The following PPP1CB variants were observed in gnomAD, a reference collection of about 807,000 sequenced individuals.
PPP1CB encodes the protein protein phosphatase 1 catalytic subunit beta.
In PPP1CB, 2 loss-of-function variants were observed where a neutral mutation model predicts 43.7. The observed-to-expected ratio is 0.05, with a 90% CI of 0.02 to 0.14. The LOEUF (loss-of-function observed/expected upper bound fraction) is 0.14, where lower values mean the gene tolerates loss of function less well. PPP1CB is among the 10% of genes least tolerant of loss of function. The pLI, the probability that PPP1CB is intolerant of heterozygous loss-of-function variation, is 1.00. For synonymous variants in PPP1CB, 136 were observed against 135.6 expected (o/e 1.00, Z -0.02); for missense variants, 84 against 398.0 (o/e 0.21, Z 6.71).
At chr2:28,771,390 G>A (rs961302755) in intron 1 of PPP1CB, among the ~76,000 whole-genome samples, 7 of 144,068 alleles carry the variant, frequency 4.9e-5, no homozygotes, top group Non-Finnish European at 9.2e-5. Flanking sequence ...GGGGGTGGAG[G>A]GGCTAGACAC....
At chr2:28,777,021 T>A (rs775839856) in intron 2 of PPP1CB, 39 bp downstream of exon 2, 1 of 1,590,474 alleles carries the variant, frequency 6.3e-7, no homozygotes. Context: ...CTCTTTTGAA[T>A]CATGTTTTTC....
chr2:28,778,631 A>C (rs1490712984), intron 2 of PPP1CB, 178 bp from the exon 3 acceptor site: 2 of 586,180 alleles, frequency 3.4e-6, no homozygotes, highest in Non-Finnish European at 6.1e-6. Context: ...GTCTTTTGTA[A>C]CTTAATCTTG....
intron 1 of PPP1CB, among the ~76,000 whole-genome samples, chr2:28,757,743 C>T (rs1203918341): frequency 1.3e-5 from 2 of 152,138 alleles, no homozygotes; most frequent in African/African-American, 4.8e-5. Flanking sequence ...TGTTTGTTTT[C>T]TCTGAATTAA....
chr2:28,767,358 T>C (rs1002939325), intron 1 of PPP1CB, among the ~76,000 whole-genome samples: 3 of 152,116 alleles, frequency 2.0e-5, no homozygotes, highest in African/African-American at 4.8e-5. Context: ...GTATATGTTG[T>C]GGTTTTTTTT....
chr2:28,795,884 A>G (rs1053955198), intron 7 of PPP1CB, among the ~76,000 whole-genome samples: 1 of 152,162 alleles, frequency 6.6e-6, no homozygotes, highest in Non-Finnish European at 1.5e-5. Context: ...AGTGTCCAGA[A>G]TGGTATTTCC....
At chr2:28,788,933 C>T in intron 6 of PPP1CB, 124 bp downstream of exon 6, 1 of 986,962 alleles carries the variant, frequency 1.0e-6, no homozygotes, top group Non-Finnish European at 1.4e-6. Flanking sequence ...TCTCTGCTCA[C>T]TGCAACCTGT....
chr2:28,759,513 G>A (rs1666588104), intron 1 of PPP1CB, among the ~76,000 whole-genome samples: 1 of 87,040 alleles, frequency 1.1e-5, no homozygotes, highest in Non-Finnish European at 2.1e-5. Context: ...GAGTGAGACT[G>A]CATCTCCAAA....
chr2:28,795,130 A>G (rs1324267330), intron 7 of PPP1CB, among the ~76,000 whole-genome samples: 1 of 152,150 alleles, frequency 6.6e-6, no homozygotes, highest in Non-Finnish European at 1.5e-5. Context: ...GGCTTAGGAT[A>G]AAGGCCTCCA....
chr2:28,756,294 G>T (rs923960811), intron 1 of PPP1CB, among the ~76,000 whole-genome samples: 6 of 152,160 alleles, frequency 3.9e-5, no homozygotes, highest in Admixed American at 6.5e-5. Flanking sequence ...ATGTGATTGT[G>T]TTACATTTTT....
chr2:28,753,368 T>C (rs1484608689), intron 1 of PPP1CB, among the ~76,000 whole-genome samples: 1 of 152,222 alleles, frequency 6.6e-6, no homozygotes, highest in Non-Finnish European at 1.5e-5. Flanking sequence ...TCTCAAAGTA[T>C]GTGTCGGTAT....
chr2:28,788,779 T>C lies in PPP1CB; in HGVS notation c.714T>C (p.His238=). 1 of 1,611,604 alleles carries C rather than the reference T, an allele frequency of 6.2e-7. No individual in the cohort carries two copies. The highest frequency in any genetic ancestry group is 8.5e-7 in the Non-Finnish European group (1 of 1,179,412). ...ADVVSKFLNR[H]DLDLICRAHQ... ...TAGTCAGTAAATTTCTGAATCGTCA[T>C]GATTTAGATTTGATTTGTCGAGCTC... is the stretch of plus-strand genomic sequence containing the variant. The change falls in exon 6 of 8, where the codon CAT becomes CAC. Residue 238 remains histidine, a synonymous_variant. Transcript: ENST00000395366.
In PPP1CB at chr2:28,802,169, C is replaced by G. The variant is rs928807388; in HGVS notation, c.*2866C>G. The G allele has an allele frequency of 1.3e-5, 2 of 151,920 alleles. No individual in the cohort carries two copies. The highest frequency in any genetic ancestry group is 4.8e-5 in the African/African-American group (2 of 41,340). 9.4% of individuals were successfully genotyped at this position (151,920 alleles called of 1,614,324 possible). A position where few individuals can be genotyped will look rare whatever the true frequency, so the allele number is the denominator to read the frequency against. ...TTTTCAAAAAAATTTTTATTCAAGG[C>G]AAAGCAAGGAACATCTTGAGATATG... On this transcript the variant is annotated 3_prime_UTR_variant, in exon 8 of 8. Coordinates refer to ENST00000395366, the MANE Select transcript of PPP1CB (RefSeq NM_002709.3).
intron 1 of PPP1CB, 127 bp downstream of exon 1, chr2:28,752,303 C>A: frequency 1.1e-6 from 1 of 909,500 alleles, no homozygotes; most frequent in Non-Finnish European, 1.6e-6. Flanking sequence ...GGGAGCGCGG[C>A]GCGGCGGACG....
intron 1 of PPP1CB, among the ~76,000 whole-genome samples, chr2:28,773,428 C>T (rs1410964104): frequency 1.3e-5 from 2 of 152,148 alleles, no homozygotes; most frequent in African/African-American, 2.4e-5. Context: ...TGATCTTATG[C>T]GAGTTATTGA....
intron 6 of PPP1CB, 50 bp from the exon 7 acceptor site, chr2:28,793,813 C>A (rs1478510160): frequency 1.9e-6 from 3 of 1,604,372 alleles, no homozygotes; most frequent in Non-Finnish European, 2.6e-6. Flanking sequence ...ATAGATGGTT[C>A]AGAATTACCC....
rs769650329 is a variant in PPP1CB, at chr2:28,785,065, C to CTT, written c.592+1114_592+1115dup. ...ATGTTGTAATAAATTGTGTTAGGAGCTTTTTTTTTTTTTTTTTTTTTTTTT... is the reference window on the plus strand; with the variant it reads ...ATGTTGTAATAAATTGTGTTAGGAGCTTTTTTTTTTTTTTTTTTTTTTTTTTT... On this transcript the variant is annotated intron_variant, in intron 5 of 7. Transcript: ENST00000395366. 7.4e-3 allele frequency among the ~76,000 whole-genome samples: 409 copies of CTT among 54,996 alleles called. 120 individuals are homozygous for CTT. The highest frequency in any genetic ancestry group is 0.026 in the African/African-American group (309 of 12,060). The allele number at this position is 54,996 out of a possible 152,430, so 36.1% of individuals were successfully genotyped here. A position where few individuals can be genotyped will look rare whatever the true frequency, so the allele number is the denominator to read the frequency against.
intron 2 of PPP1CB, 138 bp downstream of exon 2, chr2:28,777,120 A>G: frequency 1.2e-6 from 1 of 864,292 alleles, no homozygotes; most frequent in Non-Finnish European, 1.7e-6. Flanking sequence ...GTGTATAAAA[A>G]TTGAAACTTA....
At chr2:28,789,041 T>G (rs905655663) in intron 6 of PPP1CB, among the ~76,000 whole-genome samples, 1 of 152,090 alleles carries the variant, frequency 6.6e-6, no homozygotes, top group Admixed American at 6.6e-5. Flanking sequence ...ATTTATTATT[T>G]GTTAACTTCA....
At chr2:28,790,664 A>C (rs1667366810) in intron 6 of PPP1CB, among the ~76,000 whole-genome samples, 1 of 152,194 alleles carries the variant, frequency 6.6e-6, no homozygotes, top group South Asian at 2.1e-4. Flanking sequence ...TAGCTGTTTC[A>C]TAATCATTAA....
Sources: gnomAD v4.1 joint callset for allele counts (sites outside exome capture counted in the v4.1 genomes callset) on GRCh38, gnomAD v4.1.1 for gene constraint, MANE v1.5 for transcripts, NCBI Gene and HGNC (gene_info 2026-07-23, HGNC 2026-07-21) for gene names.